Variants in PLCG2 observed in about 807,000 individuals in gnomAD.
PLCG2 encodes 1-phosphatidylinositol 4,5-bisphosphate phosphodiesterase gamma-2.
In PLCG2, 69 loss-of-function variants were observed where a neutral mutation model predicts 175.6. The observed-to-expected ratio is 0.39, with a 90% CI of 0.32 to 0.48. PLCG2 has a LOEUF of 0.48. PLCG2 is among the 20% of genes least tolerant of loss of function. The pLI, the probability that PLCG2 is intolerant of heterozygous loss-of-function variation, is 0.91. For synonymous variants in PLCG2, 827 were observed against 624.0 expected (o/e 1.33, Z -4.85); for missense variants, 1,798 against 1,650.9 (o/e 1.09, Z -1.54).
rs199840870 is a variant in PLCG2, at chr16:81,936,279, G to A, written c.2953G>A (p.Val985Ile). The A allele has an allele frequency of 1.3e-4, 209 of 1,614,194 alleles. No homozygotes were observed. The highest frequency in any genetic ancestry group is 4.9e-4 in the Middle Eastern group (3 of 6,062). The change falls in exon 27 of 33, where the codon GTC (valine) becomes ATC (isoleucine). Residue 985 changes from valine to isoleucine, a missense_variant. Physicochemically the swap from Val to Ile is conservative, Grantham distance 29. Coordinates refer to ENST00000564138, the MANE Select transcript of PLCG2 (RefSeq NM_002661.5). ...LKYNQKGLTRVYPKGQRVDSS... is the reference protein window; with the variant it reads ...LKYNQKGLTRIYPKGQRVDSS... ...GTACAATCAAAAGGGCCTGACCCGC[G>A]TCTACCCAAAGGGACAAAGAGTTGA...
chr16:81,791,706 A>G (rs1911238944), intron 2 of PLCG2, among the ~76,000 whole-genome samples: 1 of 152,202 alleles, frequency 6.6e-6, no homozygotes, highest in Admixed American at 6.5e-5. Context: ...CTGGGATTAC[A>G]GGTGGGTACC....
At chr16:81,919,744 C>G in intron 20 of PLCG2, 80 bp downstream of exon 20, 1 of 1,220,106 alleles carries the variant, frequency 8.2e-7, no homozygotes, top group African/African-American at 1.5e-5. Context: ...TTCAGCAAAC[C>G]TCTGAGTATT....
rs933369110 is a variant in PLCG2, at chr16:81,833,334, A to T, written c.194-21110A>T. 2.6e-5 allele frequency among the ~76,000 whole-genome samples: 4 copies of T among 151,960 alleles called. No individual in the cohort carries two copies. In the South Asian group the frequency reaches 6.2e-4, roughly 24 times the overall value. On this transcript the variant is annotated intron_variant, in intron 2 of 32. Coordinates refer to ENST00000564138, the MANE Select transcript of PLCG2 (RefSeq NM_002661.5). The stretch of plus-strand genomic sequence containing the variant: ...TGGGGCCTTCTTTCGCAATCTGTCC[A>T]CACCCCCAGGGTCCTTTTTCCTGGA...
intron 31 of PLCG2, among the ~76,000 whole-genome samples, chr16:81,955,661 A>G (rs1047473938): frequency 1.3e-5 from 2 of 152,162 alleles, no homozygotes; most frequent in Non-Finnish European, 2.9e-5. Flanking sequence ...TCTTGACTCA[A>G]TAGCAACGTG....
intron 2 of PLCG2, among the ~76,000 whole-genome samples, chr16:81,763,320 C>G (rs1910078195): frequency 6.6e-6 from 1 of 152,194 alleles, no homozygotes; most frequent in South Asian, 2.1e-4. Flanking sequence ...ATGCAGTGGC[C>G]TAAAGCAACA....
intron 31 of PLCG2, among the ~76,000 whole-genome samples, chr16:81,947,973 A>G (rs932131622): frequency 3.3e-5 from 5 of 152,188 alleles, no homozygotes; most frequent in Non-Finnish European, 7.4e-5. Flanking sequence ...TCTACTTCAC[A>G]GACGACTTTA....
At chr16:81,852,794 G>T (rs946776553) in intron 2 of PLCG2, among the ~76,000 whole-genome samples, 1 of 152,186 alleles carries the variant, frequency 6.6e-6, no homozygotes, top group South Asian at 2.1e-4. Context: ...TGTTCCACAT[G>T]TTGTCAGCTG....
chr16:81,842,140 G>A (rs1417665819), intron 2 of PLCG2, among the ~76,000 whole-genome samples: 2 of 152,220 alleles, frequency 1.3e-5, no homozygotes, highest in African/African-American at 4.8e-5. Context: ...CACCCCTGGG[G>A]AGCATAAGCC....
chr16:81,945,528 A>C (rs1348122156), intron 30 of PLCG2, among the ~76,000 whole-genome samples: 2 of 152,268 alleles, frequency 1.3e-5, no homozygotes, highest in Non-Finnish European at 2.9e-5. Flanking sequence ...TACTAAAACA[A>C]GCCAGCAAAC....
intron 30 of PLCG2, among the ~76,000 whole-genome samples, chr16:81,945,574 A>G (rs561351469): frequency 1.3e-5 from 2 of 152,190 alleles, no homozygotes; most frequent in Non-Finnish European, 2.9e-5. Context: ...ACATTACTGA[A>G]TGGGGGTGGG....
At chr16:81,939,232 G>C (rs2143734950) in intron 29 of PLCG2, among the ~76,000 whole-genome samples, 1 of 152,288 alleles carries the variant, frequency 6.6e-6, no homozygotes, top group East Asian at 1.9e-4. Context: ...CCAAGAGGCA[G>C]AGACACAGAG....
At chr16:81,946,071 C>A in intron 30 of PLCG2, 104 bp from the exon 31 acceptor site, 1 of 843,746 alleles carries the variant, frequency 1.2e-6, no homozygotes, top group South Asian at 1.4e-5. Context: ...ACTGACTTCT[C>A]TACCCTTTGA....
At chr16:81,938,525 C>CATGG in intron 28 of PLCG2, 1 of 469,566 alleles carries the variant, frequency 2.1e-6, no homozygotes, top group South Asian at 3.4e-5. Context: ...CCTGCTTGGG[C>CATGG]ATGGATGTGT....
Position 81,920,577 on chromosome 16 carries a change from G to A in PLCG2, c.2236-621G>A, listed in dbSNP as rs117599504. Among the ~76,000 whole-genome samples, 797 of 152,304 alleles carry A rather than the reference G, an allele frequency of 5.2e-3. 2 individuals are homozygous for A. The highest frequency in any genetic ancestry group is 8.9e-3 in the Non-Finnish European group (605 of 68,034). ...GAGCCGAAACATGGAAGATAGCAGTGAATGGGATCTGGGGAGAAGTGAATG... is the reference window on the plus strand; with the variant it reads ...GAGCCGAAACATGGAAGATAGCAGTAAATGGGATCTGGGGAGAAGTGAATG... On this transcript the variant is annotated intron_variant, in intron 20 of 32. Coordinates refer to ENST00000564138, the MANE Select transcript of PLCG2 (RefSeq NM_002661.5).
intron 31 of PLCG2, among the ~76,000 whole-genome samples, chr16:81,952,775 C>G (rs1269073673): frequency 6.6e-6 from 1 of 152,158 alleles, no homozygotes; most frequent in African/African-American, 2.4e-5. Context: ...ACTATTGAAA[C>G]AGCATAGTAC....
intron 5 of PLCG2, among the ~76,000 whole-genome samples, chr16:81,865,266 G>A (rs576682997): frequency 6.6e-6 from 1 of 152,200 alleles, no homozygotes; most frequent in African/African-American, 2.4e-5. Flanking sequence ...GTTGCAGAGA[G>A]GGGTGAAGCT....
At chr16:81,883,012 G>C (rs554389785) in intron 8 of PLCG2, among the ~76,000 whole-genome samples, 2 of 152,106 alleles carry the variant, frequency 1.3e-5, no homozygotes, top group Non-Finnish European at 2.9e-5. Context: ...GTGCACCAGA[G>C]CTATTTTGGA....
intron 31 of PLCG2, 130 bp from the exon 32 acceptor site, chr16:81,956,565 T>G: frequency 1.5e-6 from 1 of 646,192 alleles, no homozygotes; most frequent in East Asian, 2.7e-5. Flanking sequence ...CCCTGGCTCT[T>G]CTGGGCTAAT....
chr16:81,773,634 A>G (rs1910330111), intron 2 of PLCG2, among the ~76,000 whole-genome samples: 1 of 152,172 alleles, frequency 6.6e-6, no homozygotes, highest in African/African-American at 2.4e-5. Flanking sequence ...TTCTTAGCAT[A>G]ACAGGGTCCG....
Sources: gnomAD v4.1 joint callset for allele counts (sites outside exome capture counted in the v4.1 genomes callset) on GRCh38, gnomAD v4.1.1 for gene constraint, MANE v1.5 for transcripts, NCBI Gene and HGNC (gene_info 2026-07-23, HGNC 2026-07-21) for gene names.